FAM3C: variants seen among roughly 807,000 people sequenced by gnomAD.
FAM3C encodes the protein FAM3 metabolism regulating signaling molecule C, also known as protein FAM3C.
FAM3C carries 15 observed loss-of-function variants against 32.5 expected under a neutral mutation model. The ratio of observed to expected loss-of-function variants is 0.46; its 90% CI spans 0.31 to 0.71. The LOEUF (loss-of-function observed/expected upper bound fraction) is 0.71. Ranked by LOEUF, FAM3C falls within the 30% of genes least tolerant of loss-of-function variation. The pLI is 0.05. For missense variants in FAM3C, 175 were observed against 274.4 expected (o/e 0.64, Z 2.56); for synonymous variants, 75 against 86.1 (o/e 0.87, Z 0.72).
intron 6 of FAM3C, 81 bp downstream of exon 6, chr7:121,364,049 T>C: frequency 1.1e-6 from 1 of 925,194 alleles, no homozygotes; most frequent in East Asian, 2.4e-5. Context: ...CTTTCTAACC[T>C]GATCCTCTGA....
intron 7 of FAM3C, among the ~76,000 whole-genome samples, chr7:121,361,698 C>A (rs891596039): frequency 6.6e-6 from 1 of 152,068 alleles, no homozygotes. Context: ...TTTTTTGAGA[C>A]GGAGTCTGGC....
Position 121,351,255 on chromosome 7 carries a change from G to C in FAM3C, c.482C>G (p.Ala161Gly), listed in dbSNP as rs1175478015. The change falls in exon 9 of 10, where the codon GCA (alanine) becomes GGA (glycine). Residue 161 changes from alanine to glycine, a missense_variant. Transcript: ENST00000359943. ...DDGATKLNDE[A>G]RRLIADLGST... is the part of the protein sequence containing the mutation. ...CCCCAAATCAGCAATGAGCCGCCGTGCCTCATCATTGAGTCTTGAAGAGGG... is the reference window on the plus strand; with the variant it reads ...CCCCAAATCAGCAATGAGCCGCCGTCCCTCATCATTGAGTCTTGAAGAGGG... The C allele has an allele frequency of 5.0e-6, 8 of 1,613,450 alleles. No homozygotes were observed. Among genetic ancestry groups the C allele is most frequent in the Non-Finnish European group, 6.8e-6 (8 of 1,179,660 alleles).
chr7:121,382,545 T>A (rs1794378583), intron 2 of FAM3C, among the ~76,000 whole-genome samples: 2 of 128,880 alleles, frequency 1.6e-5, no homozygotes, highest in African/African-American at 3.5e-5. Context: ...TATACAGTCT[T>A]TAGGTTTTTT....
chr7:121,384,326 T>C (rs967882257), intron 1 of FAM3C, among the ~76,000 whole-genome samples: 4 of 152,212 alleles, frequency 2.6e-5, no homozygotes, highest in African/African-American at 9.6e-5. Flanking sequence ...AACAAGATAC[T>C]GAAGTATCCA....
chr7:121,375,225 C>T (rs1327629805), intron 3 of FAM3C, among the ~76,000 whole-genome samples: 7 of 152,184 alleles, frequency 4.6e-5, no homozygotes, highest in African/African-American at 1.7e-4. Flanking sequence ...GAGGTTCAAA[C>T]ACAATTTCTT....
chr7:121,385,949 G>A (rs1414621372), intron 1 of FAM3C, among the ~76,000 whole-genome samples: 1 of 152,156 alleles, frequency 6.6e-6, no homozygotes, highest in African/African-American at 2.4e-5. Flanking sequence ...TGAAGGGTAA[G>A]TAAGAAGCTC....
intron 9 of FAM3C, 30 bp from the exon 10 acceptor site, chr7:121,350,580 T>C (rs761583238): frequency 1.1e-5 from 17 of 1,606,346 alleles, no homozygotes; most frequent in Non-Finnish European, 1.4e-5. Flanking sequence ...ATATACAGTT[T>C]AAAAAACCGT....
At chr7:121,387,772 G>A (rs1009344632) in intron 1 of FAM3C, among the ~76,000 whole-genome samples, 1 of 151,978 alleles carries the variant, frequency 6.6e-6, no homozygotes, top group Non-Finnish European at 1.5e-5. Context: ...CTTTATGTGG[G>A]TGTTTATATG....
At chr7:121,383,153 A>AG (rs1180142525) in intron 1 of FAM3C, 143 bp from the exon 2 acceptor site, 6 of 537,922 alleles carry the variant, frequency 1.1e-5, no homozygotes, top group African/African-American at 9.8e-5. Context: ...AAAAAAAAAA[A>AG]AAATGGGCCT....
intron 1 of FAM3C, among the ~76,000 whole-genome samples, chr7:121,393,973 G>A (rs1375322354): frequency 1.3e-5 from 2 of 152,160 alleles, no homozygotes; most frequent in East Asian, 3.8e-4. Flanking sequence ...ATCTAGCTCA[G>A]CGCTAACATA....
chr7:121,384,451 C>T (rs1487925380), intron 1 of FAM3C, among the ~76,000 whole-genome samples: 1 of 152,190 alleles, frequency 6.6e-6, no homozygotes, highest in Non-Finnish European at 1.5e-5. Context: ...ATAACATATA[C>T]ATGCTTTTCC....
intron 3 of FAM3C, among the ~76,000 whole-genome samples, chr7:121,377,180 C>T (rs951835110): frequency 1.3e-5 from 2 of 151,282 alleles, no homozygotes; most frequent in South Asian, 4.1e-4. Flanking sequence ...TCACTCTGCA[C>T]TTCTCCTTTC....
chr7:121,388,116 G>A (rs1474417972), intron 1 of FAM3C, among the ~76,000 whole-genome samples: 1 of 151,932 alleles, frequency 6.6e-6, no homozygotes, highest in Admixed American at 6.6e-5. Flanking sequence ...AACAAAATTT[G>A]GTGTTTTTAA....
At chr7:121,372,300 C>T (rs183029491) in intron 3 of FAM3C, among the ~76,000 whole-genome samples, 161 bp from the exon 4 acceptor site, 1 of 152,252 alleles carries the variant, frequency 6.6e-6, no homozygotes, top group Non-Finnish European at 1.5e-5. Context: ...TAACTTCACA[C>T]TGTACATTCA....
At chr7:121,386,834 T>TA (rs1334559229) in intron 1 of FAM3C, among the ~76,000 whole-genome samples, 2 of 151,924 alleles carry the variant, frequency 1.3e-5, no homozygotes, top group Non-Finnish European at 2.9e-5. Flanking sequence ...GAGATAATAC[T>TA]AAAATCAAAA....
intron 3 of FAM3C, among the ~76,000 whole-genome samples, chr7:121,376,824 G>C (rs555490556): frequency 6.6e-6 from 1 of 152,238 alleles, no homozygotes; most frequent in East Asian, 1.9e-4. Context: ...CATGGACAGG[G>C]ATCTCAGCCT....
chr7:121,380,150 T>C (rs553286754), intron 2 of FAM3C: 20 of 152,316 alleles, frequency 1.3e-4, no homozygotes, highest in Non-Finnish European at 2.6e-4. Context: ...ATAGTCCTTC[T>C]TGATCATTTA....
chr7:121,366,304 A>G (rs1034866956), intron 5 of FAM3C, among the ~76,000 whole-genome samples: 2 of 150,408 alleles, frequency 1.3e-5, no homozygotes, highest in Non-Finnish European at 3.0e-5. Flanking sequence ...CTACCAACTA[A>G]TGAATGAGTA....
intron 1 of FAM3C, among the ~76,000 whole-genome samples, chr7:121,388,438 G>A (rs1794510446): frequency 6.6e-6 from 1 of 152,024 alleles, no homozygotes; most frequent in Admixed American, 6.6e-5. Context: ...GGTGTGGGGA[G>A]AGGTGATCCA....
Sources: allele counts gnomAD v4.1 joint callset (sites outside exome capture counted in the v4.1 genomes callset), GRCh38; gene constraint gnomAD v4.1.1; transcripts MANE v1.5; gene names NCBI Gene and HGNC (gene_info 2026-07-23, HGNC 2026-07-21).